The following PCDHGA9 variants were observed in gnomAD, a reference collection of about 807,000 sequenced individuals.
PCDHGA9 encodes the protein protocadherin gamma-A9.
Under a neutral mutation model 62.5 loss-of-function variants are expected in PCDHGA9, and 37 were observed. The observed-to-expected ratio is 0.59, with a 90% CI of 0.46 to 0.78. The LOEUF is 0.78. Among genes scored for constraint, PCDHGA9 ranks in the 30% least tolerant of loss-of-function variants. The pLI is 0.00. For synonymous variants in PCDHGA9, 459 were observed against 484.6 expected (o/e 0.95, Z 0.69); for missense variants, 1,138 against 1,166.2 (o/e 0.98, Z 0.35).
chr5:141,443,172 C>T (rs1454734622), intron 1 of PCDHGA9, among the ~76,000 whole-genome samples: 1 of 152,176 alleles, frequency 6.6e-6, no homozygotes, highest in Non-Finnish European at 1.5e-5. Flanking sequence ...CTACCCATGT[C>T]CACTGCATCA....
chr5:141,492,078 C>T (rs948391194), intron 1 of PCDHGA9: 4 of 483,290 alleles, frequency 8.3e-6, no homozygotes, highest in African/African-American at 2.0e-5. Flanking sequence ...GCGCCGGCTC[C>T]GGCACGCTTC....
intron 1 of PCDHGA9, among the ~76,000 whole-genome samples, chr5:141,460,620 C>G (rs185269852): frequency 5.6e-4 from 85 of 151,856 alleles, no homozygotes; most frequent in African/African-American, 1.9e-3. Context: ...GATAGATAGA[C>G]AGATACAGAT....
At chr5:141,423,328 G>C (rs1308803675) in intron 1 of PCDHGA9, 1 of 1,614,194 alleles carries the variant, frequency 6.2e-7, no homozygotes, top group African/African-American at 1.3e-5. Flanking sequence ...GGTGGCCGCA[G>C]TCTCCTGCAT....
intron 1 of PCDHGA9, chr5:141,442,016 C>CCA (rs1561906409): frequency 4.6e-6 from 1 of 219,336 alleles, no homozygotes; most frequent in African/African-American, 2.4e-5. Context: ...GCACGATGGG[C>CCA]CACAGGAAAG....
chr5:141,408,833 A>G, intron 1 of PCDHGA9: 1 of 1,613,704 alleles, frequency 6.2e-7, no homozygotes, highest in Non-Finnish European at 8.5e-7. Context: ...TCATAGCTTG[A>G]TATTGACTGC....
At position 141,493,887 on chromosome 5, in the gene PCDHGA9, G is replaced by C. The variant is rs760575047; in HGVS notation, c.2425-920G>C. On this transcript the variant is annotated intron_variant, in intron 1 of 3. Transcript: ENST00000573521. This position sits in a 1 kb window ranked among gnomAD's most constrained non-coding sequence, Gnocchi z 4.3. Reference sequence around the variant, plus strand: ...AGAACCAGTGAGGAGGTGGCTCTAGGAGTGCTCCATGAGAGTGTGTGATGG... The same window carrying C: ...AGAACCAGTGAGGAGGTGGCTCTAGCAGTGCTCCATGAGAGTGTGTGATGG... Among the ~76,000 whole-genome samples, 11 of 152,184 alleles carry C rather than the reference G, an allele frequency of 7.2e-5. No homozygotes were observed. Among genetic ancestry groups the C allele is most frequent in the Non-Finnish European group, 1.2e-4 (8 of 68,026 alleles).
chr5:141,485,242 C>A lies in PCDHGA9; in HGVS notation c.2425-9565C>A, dbSNP rs747029550. ...CTACCCTTTTGTTCCTCTTTTACCA[C>A]CTGGGTTACGTTTGTGGGCAGATCC... On this transcript the variant is annotated intron_variant, in intron 1 of 3. Transcript: ENST00000573521. This position sits in a 1 kb window ranked among gnomAD's most constrained non-coding sequence, Gnocchi z 5.7. 7.4e-5 allele frequency: 119 copies of A among 1,614,054 alleles called. No individual in the cohort carries two copies. The highest frequency in any genetic ancestry group is 3.3e-4 in the Middle Eastern group (2 of 6,084).
At chr5:141,504,065 G>C (rs1291060280) in intron 2 of PCDHGA9, among the ~76,000 whole-genome samples, 2 of 152,060 alleles carry the variant, frequency 1.3e-5, no homozygotes, top group African/African-American at 2.4e-5. Context: ...AAACTTCTCT[G>C]AGCCAGATGG....
rs1488042504 is a variant in PCDHGA9, at chr5:141,511,552, T to C, written c.*379T>C. ...CCTCCTCCCCACCCCACTCCAACAG[T>C]TCCTCTTTCCCGAGTAAGGTGGTTG... On this transcript the variant is annotated 3_prime_UTR_variant, in exon 4 of 4. Coordinates refer to ENST00000573521, the MANE Select transcript of PCDHGA9 (RefSeq NM_018921.3). 1.3e-5 allele frequency: 4 copies of C among 304,316 alleles called. No individual in the cohort carries two copies. The highest frequency in any genetic ancestry group is 2.6e-5 in the Non-Finnish European group (4 of 156,548). The allele number at this position is 304,316 out of a possible 1,614,324, so 18.9% of individuals were successfully genotyped here.
chr5:141,430,910 G>C, intron 1 of PCDHGA9: 2 of 1,608,040 alleles, frequency 1.2e-6, no homozygotes, highest in South Asian at 1.1e-5. Context: ...CATCTCCAGG[G>C]ACCTGGGGCT....
At chr5:141,505,151 G>T (rs2099844154) in intron 2 of PCDHGA9, among the ~76,000 whole-genome samples, 1 of 152,164 alleles carries the variant, frequency 6.6e-6, no homozygotes, top group Non-Finnish European at 1.5e-5. Context: ...GACAGAGTAA[G>T]ACCCTGTCTA....
chr5:141,475,644 A>C (rs1021491842), intron 1 of PCDHGA9, among the ~76,000 whole-genome samples: 2 of 152,238 alleles, frequency 1.3e-5, no homozygotes, highest in Non-Finnish European at 2.9e-5. Context: ...TCTTGTGATC[A>C]AAGAAAGTGA....
At chr5:141,415,023 C>G in intron 1 of PCDHGA9, 1 of 1,613,530 alleles carries the variant, frequency 6.2e-7, no homozygotes, top group Non-Finnish European at 8.5e-7. Context: ...TCAAGGCCAG[C>G]GAGCCGGGAC....
At chr5:141,408,932 A>C in intron 1 of PCDHGA9, 1 of 1,613,594 alleles carries the variant, frequency 6.2e-7, no homozygotes, top group South Asian at 1.1e-5. Context: ...GGTTTTCAGC[A>C]GAGACGAATA....
intron 1 of PCDHGA9, among the ~76,000 whole-genome samples, chr5:141,446,065 G>T (rs1285093512): frequency 2.0e-5 from 3 of 152,306 alleles, no homozygotes; most frequent in African/African-American, 7.2e-5. Flanking sequence ...GATTAAAGGG[G>T]AGGCAGTGGA....
chr5:141,480,710 T>C (rs1174000425), intron 1 of PCDHGA9, among the ~76,000 whole-genome samples: 1 of 152,042 alleles, frequency 6.6e-6, no homozygotes, highest in East Asian at 1.9e-4. Context: ...CCCCGACAAA[T>C]GAAAGCACAG....
chr5:141,417,783 C>T, intron 1 of PCDHGA9: 1 of 1,474,286 alleles, frequency 6.8e-7, no homozygotes, highest in Non-Finnish European at 9.0e-7. Flanking sequence ...TGTCCTGGGC[C>T]GAATGCTCTT....
intron 1 of PCDHGA9, chr5:141,484,858 T>A: frequency 4.1e-6 from 1 of 245,806 alleles, no homozygotes; most frequent in Non-Finnish European, 7.8e-6. Context: ...TTTTGGGGGG[T>A]GGGGGAGCGT....
chr5:141,431,222 C>T lies in PCDHGA9; in HGVS notation c.2424+25846C>T. On this transcript the variant is annotated intron_variant, in intron 1 of 3. Transcript: ENST00000573521. The surrounding 1 kb of genome is among the most constrained non-coding windows in gnomAD (Gnocchi z 4.8). ...AGCCACTGAGATGCGGTTCCCTCTA[C>T]CCCACGCCTGGGATCCGGATATCGG... The T allele has an allele frequency of 6.2e-7, 1 of 1,614,170 alleles. No individual in the cohort carries two copies. Among genetic ancestry groups the T allele is most frequent in the South Asian group, 1.1e-5 (1 of 91,090 alleles).
Sources: gnomAD v4.1 joint callset for allele counts (sites outside exome capture counted in the v4.1 genomes callset) on GRCh38, gnomAD v4.1.1 for gene constraint, Gnocchi (gnomAD v3.1) non-coding constraint, MANE v1.5 for transcripts, NCBI Gene and HGNC (gene_info 2026-07-23, HGNC 2026-07-21) for gene names.